Variants in MVK observed in about 807,000 individuals in gnomAD.
The protein encoded by MVK is LH receptor mRNA-binding protein.
In MVK, 34 loss-of-function variants were observed where a neutral mutation model predicts 43.2. The observed-to-expected ratio is 0.79, with a 90% CI of 0.60 to 1.05. The LOEUF (loss-of-function observed/expected upper bound fraction) is 1.05. MVK is among the 50% of genes least tolerant of loss of function. MVK has a pLI of 0.00. For synonymous variants in MVK, 190 were observed against 219.8 expected, an observed-to-expected ratio of 0.86 and a Z score of 1.20; for missense variants, 395 against 504.0, an observed-to-expected ratio of 0.78 and a Z score of 2.07.
chr12:109,575,847 G>A, intron 2 of MVK, 151 bp from the exon 3 acceptor site: 1 of 933,538 alleles, frequency 1.1e-6, no homozygotes, highest in Non-Finnish European at 1.7e-6. Context: ...CAGGCTTAGT[G>A]GGAGAGCATG....
Position 109,586,660 on chromosome 12 carries a change from A to C in MVK, c.632-94A>C, listed in dbSNP as rs1885445537. 4.8e-6 allele frequency: 7 copies of C among 1,443,506 alleles called. No homozygotes were observed. In the East Asian group the frequency reaches 1.6e-4, roughly 33 times the overall value. 89.4% of individuals were successfully genotyped at this position (1,443,506 alleles called of 1,614,324 possible). A position where few individuals can be genotyped will look rare whatever the true frequency, so the allele number is the denominator to read the frequency against. On this transcript the variant is annotated intron_variant, in intron 6 of 10. Coordinates refer to ENST00000228510, the MANE Select transcript of MVK (RefSeq NM_000431.4). ...ACTTAGCCTCTTTCCTGAATGGGGC[A>C]AAATGAACCCAACCCAAAGTTCAAC...
chr12:109,582,570 A>G (rs61485324), intron 5 of MVK, among the ~76,000 whole-genome samples: 8,378 of 151,750 alleles, frequency 0.055, 731 homozygotes, highest in African/African-American at 0.19. Context: ...AAGGCCAGTC[A>G]TTCCTTCTCA....
intron 3 of MVK, 58 bp from the exon 4 acceptor site, chr12:109,579,744 T>C: frequency 6.2e-7 from 1 of 1,608,210 alleles, no homozygotes; most frequent in Non-Finnish European, 8.5e-7. Context: ...TTCTGTTGTT[T>C]ATAAAGCACC....
chr12:109,596,699 G>A lies in MVK; in HGVS notation c.*122G>A, dbSNP rs1885931094. The A allele has an allele frequency of 2.2e-6, 3 of 1,392,752 alleles. No individual in the cohort carries two copies. The highest frequency in any genetic ancestry group is 2.9e-6 in the Non-Finnish European group (3 of 1,017,056). 86.3% of individuals were successfully genotyped at this position (1,392,752 alleles called of 1,614,324 possible). A position where few individuals can be genotyped will look rare whatever the true frequency, so the allele number is the denominator to read the frequency against. ...TCCTGACACTGCTGGAGAGGCCCCA[G>A]CCGCTTGGCGATGCCAGCCAAGCTC... On this transcript the variant is annotated 3_prime_UTR_variant, in exon 11 of 11. Transcript: ENST00000228510.
intron 9 of MVK, 54 bp downstream of exon 9, chr12:109,591,411 G>A (rs1354433542): frequency 1.3e-6 from 2 of 1,509,338 alleles, no homozygotes; most frequent in Non-Finnish European, 1.8e-6. Flanking sequence ...ACTGTCCAAG[G>A]CAGTGGCTCT....
At chr12:109,591,191 C>A (rs1885660654) in intron 8 of MVK, 50 bp from the exon 9 acceptor site, 2 of 1,552,238 alleles carry the variant, frequency 1.3e-6, no homozygotes, top group Non-Finnish European at 1.8e-6. Context: ...AGCTGTCCTG[C>A]ATCTGCCTGC....
upstream of MVK, chr12:109,573,419 C>T: frequency 6.2e-7 from 1 of 1,610,102 alleles, no homozygotes; most frequent in Non-Finnish European, 8.5e-7. Context: ...GGCGCCGAAG[C>T]ACCCGCGCAG....
At chr12:109,579,525 C>G (rs1041750301) in intron 3 of MVK, among the ~76,000 whole-genome samples, 34 of 152,186 alleles carry the variant, frequency 2.2e-4, no homozygotes, top group African/African-American at 8.2e-4. Context: ...ACGTTCCTGA[C>G]AACCGTAAGA....
chr12:109,586,582 G>A lies in MVK; in HGVS notation c.632-172G>A, dbSNP rs112122353. On this transcript the variant is annotated intron_variant, in intron 6 of 10. Transcript: ENST00000228510. ...GGCAAGAGCTTCCTGGTGGGGCTTC[G>A]GGGACCTTTTGCCCTCCTGCACCTT... Among the ~76,000 whole-genome samples, 13 of 152,288 alleles carry A rather than the reference G, an allele frequency of 8.5e-5. 1 individual carries two copies. The South Asian group carries it at 1.0e-3, about 12-fold the overall frequency.
intron 7 of MVK, chr12:109,587,197 TG>T (rs1885472680): frequency 3.5e-6 from 1 of 282,240 alleles, no homozygotes; most frequent in South Asian, 3.7e-5. Context: ...AGTCTGCTTG[TG>T]GGGGTGGGGC....
At chr12:109,589,629 T>C (rs1243410216) in intron 7 of MVK, 10 of 151,988 alleles carry the variant, frequency 6.6e-5, no homozygotes, top group Non-Finnish European at 1.5e-4. Flanking sequence ...AGAATCGATA[T>C]TAATTTCATG....
At chr12:109,592,731 C>T (rs1026693577) in intron 9 of MVK, among the ~76,000 whole-genome samples, 8 of 152,192 alleles carry the variant, frequency 5.3e-5, no homozygotes, top group African/African-American at 1.9e-4. Flanking sequence ...GGGGTCCAGC[C>T]GACGGACTGG....
chr12:109,573,548 A>G (rs774870605), upstream of MVK: 1 of 1,534,486 alleles, frequency 6.5e-7, no homozygotes. Context: ...GACTCCACCC[A>G]CAGCTGGCCG....
intron 1 of MVK, among the ~76,000 whole-genome samples, chr12:109,574,476 T>C (rs1226713764): frequency 3.3e-5 from 5 of 152,312 alleles, no homozygotes; most frequent in African/African-American, 1.2e-4. Context: ...CCGCCAAGTG[T>C]TTCCCTTGCG....
upstream of MVK, chr12:109,573,477 C>G (rs1157166932): frequency 1.1e-5 from 18 of 1,603,066 alleles, no homozygotes; most frequent in Admixed American, 1.7e-5. Context: ...CCGCACACAG[C>G]CATGAGCCAG....
intron 7 of MVK, 95 bp from the exon 8 acceptor site, chr12:109,590,676 G>A (rs111567776): frequency 1.3e-5 from 14 of 1,097,054 alleles, no homozygotes; most frequent in African/African-American, 1.1e-4. Context: ...TTCTTCCTCC[G>A]TATCAGGGTG....
intron 1 of MVK, 37 bp from the exon 2 acceptor site, chr12:109,574,772 A>G: frequency 6.7e-7 from 1 of 1,482,016 alleles, no homozygotes; most frequent in South Asian, 1.2e-5. Flanking sequence ...TCTGACATCT[A>G]GAGATCTTTG....
chr12:109,582,964 G>A (rs1037616736), intron 5 of MVK, among the ~76,000 whole-genome samples: 5 of 151,882 alleles, frequency 3.3e-5, no homozygotes, highest in South Asian at 4.2e-4. Flanking sequence ...CCACCACCCC[G>A]CCCCAGCCCC....
Position 109,581,482 on chromosome 12 carries a change from GGCA to G in MVK, c.465_467del (p.Ala156del). 2 of 1,614,220 alleles carry G rather than the reference GGCA, an allele frequency of 1.2e-6. No homozygotes were observed. Among genetic ancestry groups the G allele is most frequent in the Non-Finnish European group, 1.7e-6 (2 of 1,180,040 alleles). Reference sequence around the variant, plus strand: ...CCAGCGCCGCCTACTCGGTGTGTCTGGCAGCAGCCCTCCTGACTGTGTGCGAGG... The same window carrying G: ...CCAGCGCCGCCTACTCGGTGTGTCTGGCAGCCCTCCTGACTGTGTGCGAGG... On this transcript the variant is annotated inframe_deletion, in exon 5 of 11. Coordinates refer to ENST00000228510, the MANE Select transcript of MVK (RefSeq NM_000431.4).
Sources: allele counts gnomAD v4.1 joint callset (sites outside exome capture counted in the v4.1 genomes callset), GRCh38; gene constraint gnomAD v4.1.1; transcripts MANE v1.5; gene names NCBI Gene and HGNC (gene_info 2026-07-23, HGNC 2026-07-21).